The following CD109 variants were observed in gnomAD, a reference collection of about 807,000 sequenced individuals.
CD109 encodes CD109 molecule, also known as CD109 antigen.
CD109 carries 149 observed loss-of-function variants against 165.8 expected under a neutral mutation model. The ratio of observed to expected loss-of-function variants is 0.90; its 90% CI spans 0.79 to 1.03. CD109 has a LOEUF of 1.03. Ranked by LOEUF, CD109 falls within the 50% of genes least tolerant of loss-of-function variation. The probability of loss-of-function intolerance (pLI) is 0.00; values close to 1 mark genes in which losing one functional copy is unlikely to be tolerated. For synonymous variants in CD109, 585 were observed against 592.1 expected, an observed-to-expected ratio of 0.99 and a Z score of 0.18; for missense variants, 1,712 against 1,677.8, an observed-to-expected ratio of 1.02 and a Z score of -0.36.
intron 29 of CD109, among the ~76,000 whole-genome samples, chr6:73,813,873 C>G (rs548474961): frequency 2.0e-5 from 3 of 152,142 alleles, no homozygotes; most frequent in Non-Finnish European, 2.9e-5. Flanking sequence ...CAATTGCATG[C>G]CACCGAAAGG....
intron 15 of CD109, among the ~76,000 whole-genome samples, chr6:73,777,521 T>G (rs1774296784): frequency 6.6e-6 from 1 of 152,244 alleles, no homozygotes; most frequent in Admixed American, 6.5e-5. Flanking sequence ...GCCTAGGTTG[T>G]CTTCCAGGGT....
At chr6:73,696,511 T>A (rs1481492898) in intron 1 of CD109, among the ~76,000 whole-genome samples, 1 of 152,250 alleles carries the variant, frequency 6.6e-6, no homozygotes, top group Non-Finnish European at 1.5e-5. Context: ...CATGAAGTTG[T>A]TTAAGCGTCT....
intron 21 of CD109, 128 bp downstream of exon 21, chr6:73,787,580 C>A: frequency 1.6e-6 from 1 of 635,872 alleles, no homozygotes; most frequent in Non-Finnish European, 2.7e-6. Context: ...TCTGGTAATG[C>A]CTAATCACTT....
chr6:73,732,156 C>T (rs976780294), intron 4 of CD109, among the ~76,000 whole-genome samples: 5 of 152,150 alleles, frequency 3.3e-5, no homozygotes, highest in African/African-American at 1.2e-4. Context: ...AGTCTCTGGT[C>T]CTGGGAACCT....
intron 6 of CD109, among the ~76,000 whole-genome samples, chr6:73,758,159 T>C (rs948117792): frequency 6.6e-6 from 1 of 152,092 alleles, no homozygotes; most frequent in Non-Finnish European, 1.5e-5. Context: ...TTAGCCTTGA[T>C]TGGAGCTGAA....
At chr6:73,759,665 C>T (rs1205581506) in intron 7 of CD109, among the ~76,000 whole-genome samples, 1 of 152,114 alleles carries the variant, frequency 6.6e-6, no homozygotes, top group Non-Finnish European at 1.5e-5. Context: ...TCTGAGAGTA[C>T]TTTAAATTAT....
At position 73,798,903 on chromosome 6, in the gene CD109, G is replaced by A. The variant is rs60317822; in HGVS notation, c.2879-4317G>A. 6.2e-3 allele frequency among the ~76,000 whole-genome samples: 947 copies of A among 152,210 alleles called. 15 individuals carry two copies. Among genetic ancestry groups the A allele is most frequent in the African/African-American group, 0.021 (886 of 41,540 alleles). ...TCCTCTCCTTGAGGTTGGTCTTTCT[G>A]TCACAAAAGTACCTCAAACTTTTGT... On this transcript the variant is annotated intron_variant, in intron 23 of 32. Transcript: ENST00000287097.
chr6:73,765,993 A>C lies in CD109; in HGVS notation c.1171A>C (p.Ile391Leu), dbSNP rs41265537. The change falls in exon 11 of 33, where the codon ATA becomes CTA. Residue 391 changes from isoleucine (I) to leucine (L), a missense_variant. Coordinates refer to ENST00000287097, the MANE Select transcript of CD109 (RefSeq NM_133493.5). Reference protein sequence around the residue: ...TLEERRNNVVITVTQRNYTEY... With the variant: ...TLEERRNNVVLTVTQRNYTEY... ...TGAAGAAAGAAGAAATAATGTAGTC[A>C]TAACAGTGACACAGAGAAACTATAC... is the stretch of plus-strand genomic sequence containing the variant. The C allele has an allele frequency of 4.3e-6, 7 of 1,614,198 alleles. No individual in the cohort carries two copies. The South Asian group carries it at 7.7e-5, about 18-fold the overall frequency.
intron 5 of CD109, among the ~76,000 whole-genome samples, chr6:73,749,450 T>C (rs1773104645): frequency 6.6e-6 from 1 of 152,116 alleles, no homozygotes; most frequent in Non-Finnish European, 1.5e-5. Flanking sequence ...AGGCACTGGC[T>C]GGCATGGAGG....
chr6:73,753,248 T>C (rs1172369031), intron 5 of CD109, among the ~76,000 whole-genome samples: 2 of 152,216 alleles, frequency 1.3e-5, no homozygotes, highest in African/African-American at 2.4e-5. Context: ...TCCCACTCTT[T>C]ACAGGAAAAG....
intron 23 of CD109, among the ~76,000 whole-genome samples, chr6:73,797,063 G>A (rs910606567): frequency 6.6e-6 from 1 of 151,930 alleles, no homozygotes; most frequent in Non-Finnish European, 1.5e-5. Context: ...TATTTTTTAA[G>A]AAATTAAAGT....
intron 3 of CD109, among the ~76,000 whole-genome samples, chr6:73,728,959 T>C (rs911896703): frequency 1.3e-5 from 2 of 152,168 alleles, no homozygotes; most frequent in African/African-American, 4.8e-5. Flanking sequence ...TGATTTGGAG[T>C]CTCACGAGGT....
At chr6:73,762,658 A>G in intron 8 of CD109, 83 bp from the exon 9 acceptor site, 4 of 1,150,136 alleles carry the variant, frequency 3.5e-6, no homozygotes, top group Non-Finnish European at 3.8e-6. Flanking sequence ...GAGCTATCAT[A>G]TTGTTGTGAC....
chr6:73,805,513 T>A (rs1478841052), intron 24 of CD109, among the ~76,000 whole-genome samples: 2 of 152,130 alleles, frequency 1.3e-5, no homozygotes, highest in African/African-American at 4.8e-5. Context: ...CTTCCTCTTA[T>A]CTCAACTGCA....
At chr6:73,783,985 T>A (rs1774599623) in intron 19 of CD109, among the ~76,000 whole-genome samples, 161 bp downstream of exon 19, 1 of 152,218 alleles carries the variant, frequency 6.6e-6, no homozygotes, top group African/African-American at 2.4e-5. Context: ...TATTTAAGAA[T>A]GTGAGCTATA....
At chr6:73,805,593 C>T (rs1028385330) in intron 24 of CD109, among the ~76,000 whole-genome samples, 7 of 152,162 alleles carry the variant, frequency 4.6e-5, no homozygotes, top group African/African-American at 1.4e-4. Flanking sequence ...GGCTGGGGGA[C>T]GGTCAGGTCT....
intron 32 of CD109, among the ~76,000 whole-genome samples, chr6:73,822,770 C>T (rs1273318275): frequency 6.6e-6 from 1 of 152,106 alleles, no homozygotes; most frequent in African/African-American, 2.4e-5. Context: ...GCTAAACCTT[C>T]CAACCCATTT....
Position 73,810,041 on chromosome 6 carries a change from G to T in CD109, c.3413G>T (p.Arg1138Leu), listed in dbSNP as rs186609790. The T allele has an allele frequency of 1.2e-6, 2 of 1,605,330 alleles. No individual in the cohort carries two copies. Among genetic ancestry groups the T allele is most frequent in the African/African-American group, 1.3e-5 (1 of 74,278 alleles). ...AAACTTTCTGACTCCTGGCAGCCAC[G>T]CTCCCTGGATATTGAAGTTGCAGCC... Reference protein sequence around the residue: ...ESKLSDSWQPRSLDIEVAAYA... With the variant: ...ESKLSDSWQPLSLDIEVAAYA... Residue 1138 changes from arginine to leucine, a missense_variant, in exon 27 of 33, where the codon CGC becomes CTC. Physicochemically the swap from Arg to Leu is moderately radical, Grantham distance 102. Transcript: ENST00000287097.
Position 73,823,688 on chromosome 6 carries a change from T to C in CD109, c.*55T>C, listed in dbSNP as rs963996269. On this transcript the variant is annotated 3_prime_UTR_variant, in exon 33 of 33. Transcript: ENST00000287097. ...AACATTTCCAGTAGTCACATGTGAT[T>C]GTTTTGTTTTCGTAGAAGAATACTG... 1 of 1,482,454 alleles carries C rather than the reference T, an allele frequency of 6.7e-7. No homozygotes were observed. The allele number at this position is 1,482,454 out of a possible 1,614,324, so 91.8% of individuals were successfully genotyped here.
Sources: gnomAD v4.1 joint callset for allele counts (sites outside exome capture counted in the v4.1 genomes callset) on GRCh38, gnomAD v4.1.1 for gene constraint, MANE v1.5 for transcripts, NCBI Gene and HGNC (gene_info 2026-07-23, HGNC 2026-07-21) for gene names.